Variants in EMP1 observed in about 807,000 individuals in gnomAD.
EMP1 encodes epithelial membrane protein 1.
In EMP1, 5 loss-of-function variants were observed where a neutral mutation model predicts 15.7. The observed-to-expected ratio is 0.32, with a 90% confidence interval of 0.17 to 0.67. The LOEUF (loss-of-function observed/expected upper bound fraction) is 0.67. Among genes scored for constraint, EMP1 ranks in the 30% least tolerant of loss-of-function variants. The probability of loss-of-function intolerance (pLI) is 0.74; values close to 1 mark genes in which losing one functional copy is unlikely to be tolerated. For synonymous variants in EMP1, 78 were observed against 76.7 expected (o/e 1.02, Z -0.09); for missense variants, 166 against 194.2 (o/e 0.85, Z 0.86).
Position 13,211,342 on chromosome 12 carries a change from A to G in EMP1, c.-42-127A>G, listed in dbSNP as rs758380044. On this transcript the variant is annotated intron_variant, in intron 1 of 4. Coordinates refer to ENST00000256951, the MANE Select transcript of EMP1 (RefSeq NM_001423.3). The surrounding 1 kb of genome is among the most constrained non-coding windows in gnomAD (Gnocchi z 4.7). ...ACAGGGGTGTTTTCAGGAATTTATG[A>G]TTAGATTGTGATGGTTTTTAGTGCA... 82 of 694,366 alleles carry G rather than the reference A, an allele frequency of 1.2e-4. No individual in the cohort carries two copies. The highest frequency in any genetic ancestry group is 1.7e-4 in the Non-Finnish European group (70 of 401,410). The allele number at this position is 694,366 out of a possible 1,614,324, so 43.0% of individuals were successfully genotyped here. A position where few individuals can be genotyped will look rare whatever the true frequency, so the allele number is the denominator to read the frequency against.
intron 1 of EMP1, among the ~76,000 whole-genome samples, chr12:13,198,678 C>T (rs796872909): frequency 5.3e-5 from 8 of 152,252 alleles, no homozygotes; most frequent in African/African-American, 1.9e-4. Context: ...AACTAATAAC[C>T]AGTCAACACA....
At position 13,215,377 on chromosome 12, in the gene EMP1, G is replaced by A. The variant is rs139693731; in HGVS notation, c.*686G>A. On this transcript the variant is annotated 3_prime_UTR_variant, in exon 5 of 5. Transcript: ENST00000256951. ...GAGCCCAGTCGAGACCTCACACACGGCTGTCCCTCATGGAGACCTCATGCC... is the reference window on the plus strand; with the variant it reads ...GAGCCCAGTCGAGACCTCACACACGACTGTCCCTCATGGAGACCTCATGCC... The A allele has an allele frequency of 5.0e-3, 757 of 152,510 alleles. 23 individuals carry two copies. Among genetic ancestry groups the A allele is most frequent in the Admixed American group, 0.043 (659 of 15,312 alleles). The allele number at this position is 152,510 out of a possible 1,614,324, so 9.4% of individuals were successfully genotyped here. A position where few individuals can be genotyped will look rare whatever the true frequency, so the allele number is the denominator to read the frequency against.
rs1864200436 is a variant in EMP1 at position 13,214,870 on chromosome 12, C to T, written c.*179C>T. On this transcript the variant is annotated 3_prime_UTR_variant, in exon 5 of 5. Coordinates refer to ENST00000256951, the MANE Select transcript of EMP1 (RefSeq NM_001423.3). ...GGATTCTCTACTGCCAAGCCCCTGCCCTGGGGAGAAAGTAGTTGGCTAGTA... is the reference window on the plus strand; with the variant it reads ...GGATTCTCTACTGCCAAGCCCCTGCTCTGGGGAGAAAGTAGTTGGCTAGTA... 6 of 581,806 alleles carry T rather than the reference C, an allele frequency of 1.0e-5. No individual in the cohort carries two copies. In the South Asian group the frequency reaches 1.2e-4, roughly 11 times the overall value. 36.0% of individuals were successfully genotyped at this position (581,806 alleles called of 1,614,324 possible).
At position 13,212,988 on chromosome 12, in the gene EMP1, T is replaced by C. The variant is rs561029481; in HGVS notation, c.79-491T>C. Among the ~76,000 whole-genome samples, 4 of 152,374 alleles carry C rather than the reference T, an allele frequency of 2.6e-5. No homozygotes were observed. The South Asian group carries it at 8.3e-4, about 32-fold the overall frequency. ...TCCTTCTGTTTAGATGAAAGTGGCT[T>C]ATTAACCACTAGATTCATTGTTATT... On this transcript the variant is annotated intron_variant, in intron 2 of 4. Coordinates refer to ENST00000256951, the MANE Select transcript of EMP1 (RefSeq NM_001423.3).
chr12:13,211,152 CAAAAT>C lies in EMP1; in HGVS notation c.-42-310_-42-306del, dbSNP rs1270614147. Among the ~76,000 whole-genome samples, 1 of 152,114 alleles carries C rather than the reference CAAAAT, an allele frequency of 6.6e-6. No homozygotes were observed. The highest frequency in any genetic ancestry group is 1.5e-5 in the Non-Finnish European group (1 of 68,004). On this transcript the variant is annotated intron_variant, in intron 1 of 4. Coordinates refer to ENST00000256951, the MANE Select transcript of EMP1 (RefSeq NM_001423.3). This position sits in a 1 kb window ranked among gnomAD's most constrained non-coding sequence, Gnocchi z 4.7. ...CTATTTTTAACCTCTAAAACACAAACAAAATAAAATACGAACAGTTATCATAAAAT... is the reference window on the plus strand; with the variant it reads ...CTATTTTTAACCTCTAAAACACAAACAAAATACGAACAGTTATCATAAAAT...
chr12:13,210,415 A>G (rs1300718725), intron 1 of EMP1, among the ~76,000 whole-genome samples: 1 of 152,200 alleles, frequency 6.6e-6, no homozygotes, highest in African/African-American at 2.4e-5. Flanking sequence ...TGTAGCTGAC[A>G]TAAATCAGAA....
At position 13,216,376 on chromosome 12, in the gene EMP1, G is replaced by A. The variant is rs1181744198; in HGVS notation, c.*1685G>A. 1.9e-5 allele frequency: 13 copies of A among 702,172 alleles called. No homozygotes were observed. Among genetic ancestry groups the A allele is most frequent in the Non-Finnish European group, 3.1e-5 (12 of 384,716 alleles). 43.5% of individuals were successfully genotyped at this position (702,172 alleles called of 1,614,324 possible). On this transcript the variant is annotated 3_prime_UTR_variant, in exon 5 of 5. Transcript: ENST00000256951. The stretch of plus-strand genomic sequence containing the variant: ...CTATGTTTATTCTAGTTAAGGAAAT[G>A]TTGAGGGCAAGCCACCAAATTACCT...
chr12:13,211,499 A>T lies in EMP1; in HGVS notation c.-12A>T. The T allele has an allele frequency of 1.9e-6, 3 of 1,609,620 alleles. No individual in the cohort carries two copies. The highest frequency in any genetic ancestry group is 1.3e-5 in the African/African-American group (1 of 74,832). ...TCTTTGCTCACAAGTTACCAAAAAA[A>T]AAAGAGCCAACATGTTGGTATTGCT... On this transcript the variant is annotated 5_prime_UTR_variant, in exon 2 of 5. Coordinates refer to ENST00000256951, the MANE Select transcript of EMP1 (RefSeq NM_001423.3). This position sits in a 1 kb window ranked among gnomAD's most constrained non-coding sequence, Gnocchi z 4.7.
At chr12:13,203,593 G>C (rs1021812231) in intron 1 of EMP1, among the ~76,000 whole-genome samples, 2 of 152,224 alleles carry the variant, frequency 1.3e-5, no homozygotes, top group Non-Finnish European at 2.9e-5. Flanking sequence ...CCATTTCCCC[G>C]GCCCGAGCCT....
chr12:13,201,953 C>A (rs1864069973), intron 1 of EMP1, among the ~76,000 whole-genome samples: 1 of 148,258 alleles, frequency 6.7e-6, no homozygotes, highest in African/African-American at 2.5e-5. Context: ...AAATGAGGAA[C>A]AGTTTGAGAG....
intron 1 of EMP1, chr12:13,199,427 T>C (rs1317404166): frequency 2.0e-5 from 3 of 152,312 alleles, no homozygotes; most frequent in African/African-American, 4.8e-5. Context: ...GAGAGACACG[T>C]TGAAGACCGG....
At chr12:13,209,717 A>G (rs1565578984) in intron 1 of EMP1, 2 of 152,154 alleles carry the variant, frequency 1.3e-5, no homozygotes. Flanking sequence ...ATAACTGGAT[A>G]TGATTCTAAT....
At chr12:13,208,654 C>T (rs1361343335) in intron 1 of EMP1, among the ~76,000 whole-genome samples, 1 of 152,192 alleles carries the variant, frequency 6.6e-6, no homozygotes, top group East Asian at 1.9e-4. Context: ...GATACAGCAG[C>T]TAAAAACAGA....
At chr12:13,198,952 C>G (rs1344117549) in intron 1 of EMP1, among the ~76,000 whole-genome samples, 3 of 151,242 alleles carry the variant, frequency 2.0e-5, no homozygotes, top group African/African-American at 4.8e-5. Flanking sequence ...TTTTTCCCCC[C>G]CACTCTGCCC....
In EMP1 at chr12:13,213,678, C is replaced by T. The variant is rs778955534; in HGVS notation, c.176-3C>T. The T allele has an allele frequency of 8.7e-6, 14 of 1,613,958 alleles. No homozygotes were observed. Among genetic ancestry groups the T allele is most frequent in the African/African-American group, 1.3e-5 (1 of 74,938 alleles). The stretch of plus-strand genomic sequence containing the variant: ...CCTTGTTCTCCTCGTCCTGTGTCTA[C>T]AGATGCCCTCAAGACAGTGCAGGCC... On this transcript the variant is annotated splice_region_variant and splice_polypyrimidine_tract_variant and intron_variant, in intron 3 of 4. Coordinates refer to ENST00000256951, the MANE Select transcript of EMP1 (RefSeq NM_001423.3).
At position 13,218,992 on chromosome 12, in the gene EMP1, C is replaced by T. The variant is rs1280135636; in HGVS notation, c.*4301C>T. On this transcript the variant is annotated 3_prime_UTR_variant, in exon 5 of 5. Transcript: ENST00000256951. ...CATGCCATGAGCAATTGTCTGGCAT[C>T]TCCTGTGGGTTGGACCACTGCTGCA... is the stretch of plus-strand genomic sequence containing the variant. 1 of 152,232 alleles carries T rather than the reference C, an allele frequency of 6.6e-6. No homozygotes were observed. The highest frequency in any genetic ancestry group is 6.5e-5 in the Admixed American group (1 of 15,276). The allele number at this position is 152,232 out of a possible 1,614,324, so 9.4% of individuals were successfully genotyped here. A position where few individuals can be genotyped will look rare whatever the true frequency, so the allele number is the denominator to read the frequency against.
intron 4 of EMP1, 84 bp downstream of exon 4, chr12:13,213,905 A>G (rs1170440385): frequency 6.3e-6 from 10 of 1,578,114 alleles, no homozygotes; most frequent in Non-Finnish European, 8.6e-6. Flanking sequence ...ACAGATTAGC[A>G]CATGGTTCAG....
chr12:13,213,567 C>G lies in EMP1; in HGVS notation c.167C>G (p.Ala56Gly), dbSNP rs1347947966. ...NISCSDSLSYASEDALKTVQA... is the reference protein window; with the variant it reads ...NISCSDSLSYGSEDALKTVQA... The stretch of plus-strand genomic sequence containing the variant: ...AGCTGCAGTGACAGCCTGTCATATG[C>G]CAGTGAAGGTATATATAAAGATATT... Residue 56 changes from alanine to glycine, a missense_variant, in exon 3 of 5, where the codon GCC becomes GGC. Physicochemically the swap from Ala to Gly is moderately conservative, Grantham distance 60 (BLOSUM62 0). Transcript: ENST00000256951. 1 of 1,613,972 alleles carries G rather than the reference C, an allele frequency of 6.2e-7. No individual in the cohort carries two copies. The highest frequency in any genetic ancestry group is 2.2e-5 in the East Asian group (1 of 44,900).
At chr12:13,204,598 G>C (rs1864094584) in intron 1 of EMP1, among the ~76,000 whole-genome samples, 1 of 152,240 alleles carries the variant, frequency 6.6e-6, no homozygotes. Context: ...GTCTTAGGAA[G>C]GAGAGGCAGC....
Sources: gnomAD v4.1 joint callset for allele counts (sites outside exome capture counted in the v4.1 genomes callset) on GRCh38, gnomAD v4.1.1 for gene constraint, Gnocchi (gnomAD v3.1) non-coding constraint, MANE v1.5 for transcripts, NCBI Gene and HGNC (gene_info 2026-07-23, HGNC 2026-07-21) for gene names.